Variants in TRHDE observed in about 807,000 individuals in gnomAD.
TRHDE encodes the protein thyrotropin-releasing hormone-degrading ectoenzyme.
Under a neutral mutation model 125.7 loss-of-function variants are expected in TRHDE, and 72 were observed. That is an observed-to-expected ratio of 0.57 (90% CI 0.47 to 0.70). TRHDE has a LOEUF of 0.70. Among genes scored for constraint, TRHDE ranks in the 30% least tolerant of loss-of-function variants. The pLI is 0.00. For synonymous variants in TRHDE, 509 were observed against 509.1 expected (o/e 1.00, Z 0.00); for missense variants, 1,110 against 1,327.1 (o/e 0.84, Z 2.54).
At chr12:72,598,162 CCTATCTAT>C (rs1872057871) in intron 12 of TRHDE, among the ~76,000 whole-genome samples, 1 of 152,018 alleles carries the variant, frequency 6.6e-6, no homozygotes, top group Non-Finnish European at 1.5e-5. Context: ...CATCAGTGAT[CCTATCTAT>C]GAATATAGTT....
intron 3 of TRHDE, among the ~76,000 whole-genome samples, chr12:72,385,971 C>T (rs556849634): frequency 1.3e-5 from 2 of 152,208 alleles, no homozygotes; most frequent in South Asian, 4.1e-4. Flanking sequence ...ATGGAACCAG[C>T]GTTTATTGAG....
chr12:72,627,202 G>A (rs564672546), intron 15 of TRHDE, among the ~76,000 whole-genome samples: 1 of 151,916 alleles, frequency 6.6e-6, no homozygotes, highest in Non-Finnish European at 1.5e-5. Context: ...TATTTCTGAA[G>A]TAAGGAGATT....
intron 5 of TRHDE, among the ~76,000 whole-genome samples, chr12:72,479,053 T>C (rs1042172014): frequency 6.6e-6 from 1 of 152,072 alleles, no homozygotes; most frequent in African/African-American, 2.4e-5. Context: ...ATTTTAGGAC[T>C]AATTCTGTGC....
intron 2 of TRHDE, among the ~76,000 whole-genome samples, chr12:72,128,566 G>C (rs1336903493): frequency 6.6e-6 from 1 of 152,050 alleles, no homozygotes; most frequent in Admixed American, 6.6e-5. Flanking sequence ...CTCAAGTAGA[G>C]GTATAAATAA....
At chr12:72,597,764 C>CAT (rs1203592243) in intron 12 of TRHDE, among the ~76,000 whole-genome samples, 3 of 103,446 alleles carry the variant, frequency 2.9e-5, no homozygotes, top group Non-Finnish European at 6.2e-5. Context: ...TATATGCATA[C>CAT]ACACACAAAT....
chr12:72,414,872 C>T (rs935580353), intron 3 of TRHDE, among the ~76,000 whole-genome samples: 10 of 151,986 alleles, frequency 6.6e-5, no homozygotes, highest in Admixed American at 6.6e-4. Context: ...TGTTACTATG[C>T]TTTTATTTTT....
intron 6 of TRHDE, among the ~76,000 whole-genome samples, chr12:72,509,681 T>C (rs760778282): frequency 6.6e-6 from 1 of 152,218 alleles, no homozygotes; most frequent in African/African-American, 2.4e-5. Context: ...GATCCTATTA[T>C]GTTTACTATA....
At chr12:72,103,618 C>T (rs1247015850) in intron 1 of TRHDE, among the ~76,000 whole-genome samples, 1 of 151,986 alleles carries the variant, frequency 6.6e-6, no homozygotes, top group Admixed American at 6.6e-5. Flanking sequence ...GTCCTCATTC[C>T]TTTATTAAAG....
intron 5 of TRHDE, among the ~76,000 whole-genome samples, chr12:72,496,183 CAT>C (rs1050794993): frequency 1.3e-5 from 2 of 152,344 alleles, no homozygotes; most frequent in African/African-American, 4.8e-5. Context: ...CTTACATACA[CAT>C]ACACACCAAA....
chr12:72,370,387 C>T (rs1435381794), intron 2 of TRHDE, among the ~76,000 whole-genome samples: 1 of 152,180 alleles, frequency 6.6e-6, no homozygotes, highest in Non-Finnish European at 1.5e-5. Flanking sequence ...CCATCATCTT[C>T]ACTGCAGCCA....
intron 12 of TRHDE, among the ~76,000 whole-genome samples, chr12:72,579,259 C>A (rs1871137038): frequency 6.6e-6 from 1 of 151,884 alleles, no homozygotes; most frequent in Non-Finnish European, 1.5e-5. Context: ...GCCCAATTTC[C>A]TCAAATCCTG....
At chr12:72,469,488 G>C (rs958886468) in intron 3 of TRHDE, among the ~76,000 whole-genome samples, 6 of 152,124 alleles carry the variant, frequency 3.9e-5, no homozygotes, top group African/African-American at 1.4e-4. Context: ...TTATTAGGAT[G>C]GGCCCATCAA....
In TRHDE at chr12:72,260,588, A is replaced by G. The variant is rs148447027; in HGVS notation, n.280-117407A>G. On this transcript the variant is annotated intron_variant and non_coding_transcript_variant, in intron 2 of 4. Transcript: ENST00000548156. The stretch of plus-strand genomic sequence containing the variant: ...CACTATAAGAAACAAGAGTTTATTG[A>G]GACTCTAAAAGTAGAACAGGGAAGG... 1.8e-4 allele frequency among the ~76,000 whole-genome samples: 28 copies of G among 152,302 alleles called. No homozygotes were observed. In the East Asian group the frequency reaches 5.4e-3, roughly 29 times the overall value.
intron 15 of TRHDE, among the ~76,000 whole-genome samples, chr12:72,629,035 T>C (rs1205680729): frequency 2.0e-5 from 3 of 151,842 alleles, no homozygotes; most frequent in Non-Finnish European, 4.4e-5. Flanking sequence ...TTTAATTTAG[T>C]TTTTATATAG....
chr12:72,518,926 A>G lies in TRHDE; in HGVS notation c.1722+19291A>G, dbSNP rs1235898308. On this transcript the variant is annotated intron_variant, in intron 6 of 18. Transcript: ENST00000261180. Reference sequence around the variant, plus strand: ...ATGAAGCTTAGTTTGGCTGGATATGAAATTCTGGGTTGAAAATTCTTTTCT... The same window carrying G: ...ATGAAGCTTAGTTTGGCTGGATATGGAATTCTGGGTTGAAAATTCTTTTCT... 3.3e-5 allele frequency among the ~76,000 whole-genome samples: 5 copies of G among 151,990 alleles called. No homozygotes were observed. In the East Asian group the frequency reaches 5.8e-4, roughly 18 times the overall value.
At chr12:72,432,818 T>G (rs549548171) in intron 3 of TRHDE, among the ~76,000 whole-genome samples, 1 of 152,286 alleles carries the variant, frequency 6.6e-6, no homozygotes, top group South Asian at 2.1e-4. Flanking sequence ...TTTTTTTGCT[T>G]AGTTAATCTA....
chr12:72,292,829 T>C (rs1023391415), intron 2 of TRHDE, among the ~76,000 whole-genome samples: 3 of 152,182 alleles, frequency 2.0e-5, no homozygotes, highest in Non-Finnish European at 2.9e-5. Flanking sequence ...TTCAAATCAA[T>C]ATTGCTGAAT....
intron 2 of TRHDE, among the ~76,000 whole-genome samples, chr12:72,194,750 G>T (rs1244812345): frequency 6.6e-6 from 1 of 152,080 alleles, no homozygotes; most frequent in African/African-American, 2.4e-5. Flanking sequence ...TAATGTATAT[G>T]TACCACGTTT....
At chr12:72,624,592 G>T (rs1310819928) in intron 15 of TRHDE, among the ~76,000 whole-genome samples, 1 of 151,686 alleles carries the variant, frequency 6.6e-6, no homozygotes, top group Non-Finnish European at 1.5e-5. Context: ...AGGGATAATG[G>T]GACCAAAAAG....
Sources: allele counts gnomAD v4.1 joint callset (sites outside exome capture counted in the v4.1 genomes callset), GRCh38; gene constraint gnomAD v4.1.1; transcripts MANE v1.5; gene names NCBI Gene and HGNC (gene_info 2026-07-23, HGNC 2026-07-21).